The following PAWR variants were observed in gnomAD, a reference collection of about 807,000 sequenced individuals.
The protein encoded by PAWR is pro-apoptotic WT1 regulator.
A neutral mutation model predicts 32.0 loss-of-function variants in PAWR; 23 were observed. The ratio of observed to expected loss-of-function variants is 0.72; its 90% confidence interval spans 0.52 to 1.02. The LOEUF (loss-of-function observed/expected upper bound fraction) is 1.02, where lower values mean the gene tolerates loss of function less well. Ranked by LOEUF, PAWR falls within the 50% of genes least tolerant of loss-of-function variation. The pLI is 0.00. For missense variants in PAWR, 457 were observed against 437.7 expected, an observed-to-expected ratio of 1.04 and a Z score of -0.39; for synonymous variants, 226 against 187.1, an observed-to-expected ratio of 1.21 and a Z score of -1.70.
intron 2 of PAWR, among the ~76,000 whole-genome samples, chr12:79,643,901 T>C (rs1354130330): frequency 2.0e-5 from 3 of 152,202 alleles, no homozygotes; most frequent in Non-Finnish European, 2.9e-5. Context: ...TTCACTGACA[T>C]TGGACTAAAT....
chr12:79,604,466 G>C (rs1301897436), intron 4 of PAWR: 1 of 1,075,980 alleles, frequency 9.3e-7, no homozygotes, highest in Non-Finnish European at 1.1e-6. Context: ...ATTATAGCTA[G>C]AGGAATTTTC....
intron 2 of PAWR, among the ~76,000 whole-genome samples, chr12:79,669,977 A>G (rs1877808971): frequency 6.6e-6 from 1 of 152,212 alleles, no homozygotes; most frequent in Non-Finnish European, 1.5e-5. Flanking sequence ...CTGGAATTAC[A>G]GATGTGAGCC....
At chr12:79,640,519 T>C (rs543866734) in intron 2 of PAWR, among the ~76,000 whole-genome samples, 5 of 152,102 alleles carry the variant, frequency 3.3e-5, no homozygotes, top group Non-Finnish European at 7.4e-5. Flanking sequence ...GGCAGGCAGA[T>C]CCCTTGAGCT....
chr12:79,611,671 A>G (rs1319854083), intron 4 of PAWR, among the ~76,000 whole-genome samples: 2 of 152,104 alleles, frequency 1.3e-5, no homozygotes, highest in African/African-American at 4.8e-5. Context: ...CCAATAAAAA[A>G]TGATGGGAAA....
chr12:79,690,391 GC>G lies in PAWR; in HGVS notation c.-147-1del. ...CGCCGCTCCCACAGCAGCCGGCGGG[GC>G]TGAGGTGAAAGACAAAAGGGGGCGG... On this transcript the variant is annotated splice_acceptor_variant, in intron 1 of 6. Coordinates refer to ENST00000328827, the MANE Select transcript of PAWR (RefSeq NM_002583.4). LOFTEE classifies it low-confidence loss of function (5UTR_SPLICE). 1 of 1,342,384 alleles carries G rather than the reference GC, an allele frequency of 7.4e-7. No homozygotes were observed. The highest frequency in any genetic ancestry group is 9.5e-7 in the Non-Finnish European group (1 of 1,050,618). The allele number at this position is 1,342,384 out of a possible 1,614,324, so 83.2% of individuals were successfully genotyped here.
intron 2 of PAWR, among the ~76,000 whole-genome samples, chr12:79,677,778 C>T (rs1361387312): frequency 1.3e-5 from 2 of 152,078 alleles, no homozygotes; most frequent in African/African-American, 4.8e-5. Context: ...AAAGGCAATT[C>T]CCATCCTTAA....
chr12:79,607,460 G>A (rs1874232031), intron 4 of PAWR, among the ~76,000 whole-genome samples: 1 of 152,116 alleles, frequency 6.6e-6, no homozygotes, highest in South Asian at 2.1e-4. Flanking sequence ...CAGGTACAAT[G>A]GCTCGCACCT....
At chr12:79,681,161 G>A (rs1194020041) in intron 2 of PAWR, among the ~76,000 whole-genome samples, 1 of 147,188 alleles carries the variant, frequency 6.8e-6, no homozygotes, top group Non-Finnish European at 1.5e-5. Context: ...GGGGAGGGGA[G>A]GGGAGGAAAG....
At chr12:79,689,347 C>T (rs1038554406) in intron 2 of PAWR, among the ~76,000 whole-genome samples, 1 of 151,972 alleles carries the variant, frequency 6.6e-6, no homozygotes, top group African/African-American at 2.4e-5. Context: ...ACGTGAGACC[C>T]TAGAGAATGT....
intron 2 of PAWR, among the ~76,000 whole-genome samples, chr12:79,656,339 C>T (rs1877092652): frequency 6.6e-6 from 1 of 152,124 alleles, no homozygotes; most frequent in Non-Finnish European, 1.5e-5. Context: ...ATACTGGTAG[C>T]CTGAACTAGT....
In PAWR at chr12:79,621,115, A is replaced by C. The variant is rs749293668; in HGVS notation, c.609T>G (p.Ala203=). 1.2e-6 allele frequency: 2 copies of C among 1,609,200 alleles called. No homozygotes were observed. Among genetic ancestry groups the C allele is most frequent in the Non-Finnish European group, 1.7e-6 (2 of 1,177,210 alleles). ...AACTGCCTGGATCTAGTAAGTTTAC[A>C]GCTTCATTCTGAATAGTGTTCTGTT... is the stretch of plus-strand genomic sequence containing the variant. The part of the protein sequence containing the change: ...ITQQNTIQNE[A]VNLLDPGSSY... The change falls in exon 3 of 7, where the codon GCT becomes GCG. Residue 203 remains alanine, a synonymous_variant. Transcript: ENST00000328827.
intron 4 of PAWR, among the ~76,000 whole-genome samples, chr12:79,610,356 T>C (rs1049761032): frequency 2.6e-5 from 4 of 152,208 alleles, no homozygotes; most frequent in Admixed American, 6.5e-5. Flanking sequence ...TGTTCCCTAA[T>C]GTACCAATTA....
intron 2 of PAWR, among the ~76,000 whole-genome samples, chr12:79,662,734 C>G (rs1255879005): frequency 1.3e-5 from 2 of 152,144 alleles, no homozygotes; most frequent in Non-Finnish European, 2.9e-5. Flanking sequence ...TACACAAAGG[C>G]TTGAACAAAA....
chr12:79,683,734 GT>G (rs1201010944), intron 2 of PAWR, among the ~76,000 whole-genome samples: 2 of 151,728 alleles, frequency 1.3e-5, no homozygotes, highest in Non-Finnish European at 2.9e-5. Context: ...AAATTGTTAG[GT>G]TTTTGCAAAA....
At chr12:79,632,970 C>A (rs1160085257) in intron 2 of PAWR, among the ~76,000 whole-genome samples, 1 of 151,910 alleles carries the variant, frequency 6.6e-6, no homozygotes, top group Non-Finnish European at 1.5e-5. Flanking sequence ...CCTGTCTCTA[C>A]TAAAAATATG....
chr12:79,646,800 T>C (rs1192363332), intron 2 of PAWR, among the ~76,000 whole-genome samples: 2 of 152,204 alleles, frequency 1.3e-5, no homozygotes, highest in African/African-American at 4.8e-5. Context: ...TAAAAATGTA[T>C]ATAGCTAGTA....
chr12:79,602,393 G>A lies in PAWR; in HGVS notation c.684-5735C>T, dbSNP rs901990470. 2.6e-5 allele frequency among the ~76,000 whole-genome samples: 4 copies of A among 152,246 alleles called. No individual in the cohort carries two copies. In the South Asian group the frequency reaches 8.3e-4, roughly 32 times the overall value. ...AGCCATTAAAGCAGAGAAAGTAACA[G>A]TATCATTTTTATAAAATATATTGGG... On this transcript the variant is annotated intron_variant, in intron 4 of 6. Coordinates refer to ENST00000328827, the MANE Select transcript of PAWR (RefSeq NM_002583.4).
intron 2 of PAWR, among the ~76,000 whole-genome samples, chr12:79,638,646 C>T (rs1259501731): frequency 2.0e-5 from 3 of 151,200 alleles, no homozygotes; most frequent in African/African-American, 7.3e-5. Flanking sequence ...ACACAGAATA[C>T]AGAATTGCAA....
chr12:79,613,985 T>G, intron 3 of PAWR, among the ~76,000 whole-genome samples: 1 of 3,672 alleles, frequency 2.7e-4, no homozygotes, highest in Admixed American at 6.8e-3. Flanking sequence ...ATATATTTTT[T>G]TTTTTTTTTT....
Sources: allele counts gnomAD v4.1 joint callset (sites outside exome capture counted in the v4.1 genomes callset), GRCh38; gene constraint gnomAD v4.1.1; transcripts MANE v1.5; gene names NCBI Gene and HGNC (gene_info 2026-07-23, HGNC 2026-07-21).